Variants in NEGR1 observed in about 807,000 individuals in gnomAD.
NEGR1 encodes the protein IgLON family member 4.
A neutral mutation model predicts 40.9 loss-of-function variants in NEGR1; 10 were observed. The ratio of observed to expected loss-of-function variants is 0.24; its 90% CI spans 0.15 to 0.42. The LOEUF (loss-of-function observed/expected upper bound fraction) is 0.42, where lower values mean the gene tolerates loss of function less well. NEGR1 is among the 10% of genes least tolerant of loss of function. The pLI is 1.00. For synonymous variants in NEGR1, 185 were observed against 166.8 expected (o/e 1.11, Z -0.84); for missense variants, 352 against 438.9 (o/e 0.80, Z 1.77).
rs928240685 is a variant in NEGR1, at chr1:71,935,062, G to A, written c.409+17C>T. 8.9e-6 allele frequency: 13 copies of A among 1,459,442 alleles called. No individual in the cohort carries two copies. The highest frequency in any genetic ancestry group is 1.3e-5 in the Non-Finnish European group (13 of 1,039,554). The allele number at this position is 1,459,442 out of a possible 1,614,324, so 90.4% of individuals were successfully genotyped here. A position where few individuals can be genotyped will look rare whatever the true frequency, so the allele number is the denominator to read the frequency against. ...AAGCACAGTCTTTCACAATATAGCA[G>A]TTCTGAAAATACATACCTTGCACAG... On this transcript the variant is annotated intron_variant, in intron 2 of 6. Coordinates refer to ENST00000357731, the MANE Select transcript of NEGR1 (RefSeq NM_173808.3).
At chr1:72,135,405 A>C (rs1479708763) in intron 1 of NEGR1, among the ~76,000 whole-genome samples, 1 of 67,370 alleles carries the variant, frequency 1.5e-5, no homozygotes, top group African/African-American at 4.0e-5. Context: ...AACAAAAAAC[A>C]AAAAAAAAAA....
chr1:71,949,404 C>A (rs1362698687), intron 1 of NEGR1, among the ~76,000 whole-genome samples: 1 of 152,100 alleles, frequency 6.6e-6, no homozygotes, highest in African/African-American at 2.4e-5. Flanking sequence ...CAATTATTGT[C>A]CTGCTAAACT....
chr1:71,995,955 A>T (rs1207263631), intron 1 of NEGR1, among the ~76,000 whole-genome samples: 1 of 152,182 alleles, frequency 6.6e-6, no homozygotes, highest in Non-Finnish European at 1.5e-5. Flanking sequence ...ATTATTTTAG[A>T]GAACGAATAT....
At chr1:71,473,744 G>T (rs1646799023) in intron 6 of NEGR1, among the ~76,000 whole-genome samples, 1 of 152,032 alleles carries the variant, frequency 6.6e-6, no homozygotes, top group Middle Eastern at 3.2e-3. Context: ...GGAGCAGTGG[G>T]TGGTAGTCAT....
chr1:71,710,127 C>T (rs1654031213), intron 3 of NEGR1, among the ~76,000 whole-genome samples: 1 of 152,128 alleles, frequency 6.6e-6, no homozygotes, highest in South Asian at 2.1e-4. Flanking sequence ...AGCAAACAGG[C>T]ATTTGAAAAG....
At chr1:71,739,495 A>AAAAAC (rs920962265) in intron 3 of NEGR1, among the ~76,000 whole-genome samples, 5 of 151,862 alleles carry the variant, frequency 3.3e-5, no homozygotes, top group Middle Eastern at 3.2e-3. Context: ...CACCAAAACA[A>AAAAAC]AAAACAAAAC....
chr1:71,702,336 T>C (rs911491104), intron 3 of NEGR1, among the ~76,000 whole-genome samples: 1 of 152,050 alleles, frequency 6.6e-6, no homozygotes, highest in African/African-American at 2.4e-5. Context: ...TAAAGTATGA[T>C]AACTACTACA....
chr1:72,262,045 TA>T (rs991259726), intron 1 of NEGR1, among the ~76,000 whole-genome samples: 49 of 152,030 alleles, frequency 3.2e-4, no homozygotes, highest in African/African-American at 1.1e-3. Flanking sequence ...AGACAATAAA[TA>T]CAGTATCATG....
chr1:71,613,242 T>C (rs755642188), intron 4 of NEGR1, among the ~76,000 whole-genome samples: 14 of 152,110 alleles, frequency 9.2e-5, no homozygotes, highest in Non-Finnish European at 1.0e-4. Context: ...TGATAAGATT[T>C]CTAGACAGAC....
At chr1:71,411,553 G>A (rs886694564) in intron 6 of NEGR1, among the ~76,000 whole-genome samples, 1 of 152,180 alleles carries the variant, frequency 6.6e-6, no homozygotes, top group Admixed American at 6.5e-5. Context: ...AAATTAGGCA[G>A]TATAGGTCAT....
chr1:71,585,688 C>CT (rs563536438), intron 6 of NEGR1, among the ~76,000 whole-genome samples: 3,565 of 112,570 alleles, frequency 0.032, 106 homozygotes, highest in African/African-American at 0.063. Context: ...ACCTCTCCAT[C>CT]TTTTTTTTTT....
intron 1 of NEGR1, among the ~76,000 whole-genome samples, chr1:72,044,195 G>A (rs901610304): frequency 6.6e-6 from 1 of 151,480 alleles, no homozygotes; most frequent in East Asian, 1.9e-4. Context: ...AAAATATAAT[G>A]TTTAATATCA....
intron 2 of NEGR1, among the ~76,000 whole-genome samples, chr1:71,832,520 C>T (rs1445999802): frequency 6.6e-6 from 1 of 151,932 alleles, no homozygotes; most frequent in Non-Finnish European, 1.5e-5. Flanking sequence ...TTTAGAACAG[C>T]AAATAGACAT....
intron 1 of NEGR1, among the ~76,000 whole-genome samples, chr1:72,106,226 A>T (rs1383868148): frequency 6.6e-6 from 1 of 152,062 alleles, no homozygotes; most frequent in African/African-American, 2.4e-5. Context: ...TACTAGACAA[A>T]AGGATTGGGA....
chr1:72,280,708 G>A (rs75896826), intron 1 of NEGR1, among the ~76,000 whole-genome samples: 2,232 of 152,134 alleles, frequency 0.015, 27 homozygotes, highest in South Asian at 0.023. Context: ...TAAAAAATAC[G>A]ATAGTATTCC....
chr1:71,896,955 G>A (rs1308287701), intron 2 of NEGR1, among the ~76,000 whole-genome samples: 3 of 152,132 alleles, frequency 2.0e-5, no homozygotes, highest in South Asian at 4.1e-4. Flanking sequence ...ACTGGCTAAA[G>A]ATGACAATGT....
At chr1:72,179,340 C>G (rs772192504) in intron 1 of NEGR1, among the ~76,000 whole-genome samples, 4 of 151,954 alleles carry the variant, frequency 2.6e-5, no homozygotes, top group African/African-American at 9.7e-5. Flanking sequence ...TCTGGGTTCT[C>G]TCACCTGTTC....
At chr1:71,585,729 G>A (rs553388169) in intron 6 of NEGR1, among the ~76,000 whole-genome samples, 1 of 134,950 alleles carries the variant, frequency 7.4e-6, no homozygotes, top group East Asian at 2.1e-4. Flanking sequence ...ACAAGTGAAT[G>A]CTTATGTGCA....
intron 5 of NEGR1, among the ~76,000 whole-genome samples, chr1:71,597,790 G>A (rs1362432215): frequency 1.3e-5 from 2 of 151,752 alleles, no homozygotes; most frequent in Admixed American, 1.3e-4. Context: ...GTGGGCGCCT[G>A]TAGTCCCTGC....
Sources: gnomAD v4.1 joint callset for allele counts (sites outside exome capture counted in the v4.1 genomes callset) on GRCh38, gnomAD v4.1.1 for gene constraint, MANE v1.5 for transcripts, NCBI Gene and HGNC (gene_info 2026-07-23, HGNC 2026-07-21) for gene names.